The following SLC44A5 variants were observed in gnomAD, a reference collection of about 807,000 sequenced individuals.
SLC44A5 encodes solute carrier family 44 member 5.
Under a neutral mutation model 101.8 loss-of-function variants are expected in SLC44A5, and 57 were observed. The observed-to-expected ratio is 0.56, with a 90% CI of 0.45 to 0.70. The LOEUF (loss-of-function observed/expected upper bound fraction) is 0.70, where lower values mean the gene tolerates loss of function less well. Ranked by LOEUF, SLC44A5 falls within the 30% of genes least tolerant of loss-of-function variation. The pLI, the probability that SLC44A5 is intolerant of heterozygous loss-of-function variation, is 0.00. For synonymous variants in SLC44A5, 281 were observed against 290.9 expected (o/e 0.97, Z 0.35); for missense variants, 737 against 853.1 (o/e 0.86, Z 1.70).
intron 1 of SLC44A5, among the ~76,000 whole-genome samples, chr1:75,561,230 A>G (rs114555261): frequency 0.014 from 2,161 of 152,268 alleles, 56 homozygotes; most frequent in African/African-American, 0.049. Flanking sequence ...TTATACATGG[A>G]GTCTCCCAGT....
the SLC44A5 span, among the ~76,000 whole-genome samples, chr1:75,700,773 G>T: frequency 3.3e-5 from 5 of 152,008 alleles, no homozygotes; most frequent in Non-Finnish European, 7.4e-5. Context: ...GACTAATAAA[G>T]AAGAAAAGAG....
chr1:75,398,169 A>T (rs1440109042), intron 2 of SLC44A5, among the ~76,000 whole-genome samples: 1 of 152,160 alleles, frequency 6.6e-6, no homozygotes, highest in East Asian at 1.9e-4. Context: ...TGTTCCGAAT[A>T]CATTTTTAAA....
At chr1:75,232,544 A>G (rs1222004895) in intron 12 of SLC44A5, among the ~76,000 whole-genome samples, 1 of 152,146 alleles carries the variant, frequency 6.6e-6, no homozygotes, top group Non-Finnish European at 1.5e-5. Context: ...GCTCAATAAG[A>G]AGCTCAGGTG....
the SLC44A5 span, among the ~76,000 whole-genome samples, chr1:75,652,324 A>G: frequency 0.032 from 4,811 of 152,218 alleles, 258 homozygotes; most frequent in African/African-American, 0.11. Flanking sequence ...GCCCTCTTCC[A>G]AGTGTACTTT....
chr1:75,680,839 G>T, the SLC44A5 span, among the ~76,000 whole-genome samples: 63 of 151,182 alleles, frequency 4.2e-4, no homozygotes, highest in African/African-American at 1.5e-3. Context: ...TTTTTGAAAG[G>T]ATCAACAAAA....
At chr1:75,553,721 G>C (rs114754237) in intron 1 of SLC44A5, among the ~76,000 whole-genome samples, 2,885 of 152,314 alleles carry the variant, frequency 0.019, 37 homozygotes, top group Non-Finnish European at 0.03. Context: ...AAGAAAGTAT[G>C]AAGTATTTAT....
At chr1:75,237,869 A>G (rs1648243830) in intron 10 of SLC44A5, among the ~76,000 whole-genome samples, 2 of 150,126 alleles carry the variant, frequency 1.3e-5, no homozygotes, top group African/African-American at 4.8e-5. Context: ...AATTTTTAGA[A>G]TATCTTTTTT....
At chr1:75,637,742 C>G in the SLC44A5 span, among the ~76,000 whole-genome samples, 11 of 151,858 alleles carry the variant, frequency 7.2e-5, no homozygotes, top group Non-Finnish European at 1.6e-4. Context: ...TAAAGTTTAT[C>G]AATTCCGGGT....
intron 1 of SLC44A5, among the ~76,000 whole-genome samples, chr1:75,596,523 T>C (rs1470897272): frequency 4.6e-5 from 7 of 152,082 alleles, no homozygotes; most frequent in Admixed American, 4.6e-4. Flanking sequence ...CAGGCCAATA[T>C]CCTTCATGAA....
At chr1:75,413,901 T>C (rs920423587) in intron 2 of SLC44A5, among the ~76,000 whole-genome samples, 1 of 152,238 alleles carries the variant, frequency 6.6e-6, no homozygotes, top group Non-Finnish European at 1.5e-5. Flanking sequence ...TCCCTAGCTT[T>C]CCACCACATG....
intron 4 of SLC44A5, among the ~76,000 whole-genome samples, chr1:75,306,234 C>T (rs1162939425): frequency 6.6e-6 from 1 of 152,048 alleles, no homozygotes; most frequent in Admixed American, 6.5e-5. Flanking sequence ...AAATATTTAC[C>T]ACCTGGACAT....
At chr1:75,607,958 T>C (rs1296094028) in intron 1 of SLC44A5, among the ~76,000 whole-genome samples, 4 of 152,022 alleles carry the variant, frequency 2.6e-5, no homozygotes, top group South Asian at 4.1e-4. Context: ...AGAACTTGTC[T>C]TATAACTGTA....
At chr1:75,522,545 C>A (rs536868914) in intron 2 of SLC44A5, among the ~76,000 whole-genome samples, 1 of 152,078 alleles carries the variant, frequency 6.6e-6, no homozygotes, top group Non-Finnish European at 1.5e-5. Flanking sequence ...TCTCAGGCAT[C>A]AACTGGCAGT....
the SLC44A5 span, among the ~76,000 whole-genome samples, chr1:75,653,722 C>T: frequency 6.6e-6 from 1 of 152,156 alleles, no homozygotes; most frequent in African/African-American, 2.4e-5. Flanking sequence ...TCTATCTCTA[C>T]AGAAGAGAAA....
chr1:75,343,004 G>C (rs1279151997), intron 3 of SLC44A5, among the ~76,000 whole-genome samples: 2 of 152,078 alleles, frequency 1.3e-5, no homozygotes, highest in African/African-American at 4.8e-5. Flanking sequence ...CAAATCAATA[G>C]AGGGCAGTGC....
intron 11 of SLC44A5, among the ~76,000 whole-genome samples, chr1:75,234,571 A>G (rs969820949): frequency 6.6e-6 from 1 of 152,032 alleles, no homozygotes; most frequent in South Asian, 2.1e-4. Context: ...GGGCAGAAAG[A>G]TAAGAAAAAT....
intron 4 of SLC44A5, among the ~76,000 whole-genome samples, chr1:75,328,543 C>A (rs1369448448): frequency 6.6e-6 from 1 of 152,142 alleles, no homozygotes; most frequent in African/African-American, 2.4e-5. Context: ...CTCCCCTATG[C>A]CCCCAGCTGC....
At chr1:75,385,798 A>T (rs1448237570) in intron 3 of SLC44A5, among the ~76,000 whole-genome samples, 1 of 152,194 alleles carries the variant, frequency 6.6e-6, no homozygotes, top group East Asian at 1.9e-4. Context: ...ACATTGATGC[A>T]AAAATCCTCA....
intron 2 of SLC44A5, among the ~76,000 whole-genome samples, chr1:75,407,725 GT>G (rs1662972496): frequency 6.6e-6 from 1 of 152,162 alleles, no homozygotes; most frequent in Non-Finnish European, 1.5e-5. Context: ...ATGGATTAAA[GT>G]CTTAAATGTA....
Sources: allele counts gnomAD v4.1 joint callset (sites outside exome capture counted in the v4.1 genomes callset), GRCh38; gene constraint gnomAD v4.1.1; transcripts MANE v1.5; gene names NCBI Gene and HGNC (gene_info 2026-07-23, HGNC 2026-07-21).